CDK5RAP2: variants seen among roughly 807,000 people sequenced by gnomAD.
The protein encoded by CDK5RAP2 is CDK5 regulatory subunit-associated protein 2.
CDK5RAP2 carries 147 observed loss-of-function variants against 232.9 expected under a neutral mutation model. The observed-to-expected ratio is 0.63, with a 90% CI of 0.55 to 0.72. The LOEUF (loss-of-function observed/expected upper bound fraction) is 0.72, where lower values mean the gene tolerates loss of function less well. CDK5RAP2 is among the 30% of genes least tolerant of loss of function. The probability of loss-of-function intolerance (pLI) is 0.00; values close to 1 mark genes in which losing one functional copy is unlikely to be tolerated. For synonymous variants in CDK5RAP2, 833 were observed against 833.7 expected, an observed-to-expected ratio of 1.00 and a Z score of 0.01; for missense variants, 2,195 against 2,231.5, an observed-to-expected ratio of 0.98 and a Z score of 0.33.
chr9:120,412,502 A>G (rs561237412), intron 28 of CDK5RAP2, among the ~76,000 whole-genome samples: 1 of 152,358 alleles, frequency 6.6e-6, no homozygotes, highest in South Asian at 2.1e-4. Flanking sequence ...AGGACAGGAA[A>G]AAGCCCCACC....
At chr9:120,497,529 C>T (rs1455036583) in intron 12 of CDK5RAP2, among the ~76,000 whole-genome samples, 1 of 148,840 alleles carries the variant, frequency 6.7e-6, no homozygotes, top group African/African-American at 2.5e-5. Context: ...AAAAGATCTC[C>T]CCACAAAATT....
chr9:120,399,974 A>C (rs2032854791), intron 35 of CDK5RAP2, among the ~76,000 whole-genome samples: 1 of 152,212 alleles, frequency 6.6e-6, no homozygotes, highest in African/African-American at 2.4e-5. Context: ...AAATGAGATA[A>C]TGACAAAAAA....
intron 25 of CDK5RAP2, among the ~76,000 whole-genome samples, chr9:120,426,216 C>A (rs2034890350): frequency 6.6e-6 from 1 of 152,216 alleles, no homozygotes; most frequent in East Asian, 1.9e-4. Flanking sequence ...GTATATGAGA[C>A]AGATCTCAAC....
chr9:120,395,015 T>C (rs868489752), intron 35 of CDK5RAP2, among the ~76,000 whole-genome samples: 1 of 152,252 alleles, frequency 6.6e-6, no homozygotes. Flanking sequence ...GTCTCAGCAT[T>C]GTTCATGGTA....
intron 31 of CDK5RAP2, 40 bp downstream of exon 31, chr9:120,408,307 C>G: frequency 6.2e-7 from 1 of 1,612,612 alleles, no homozygotes; most frequent in Non-Finnish European, 8.5e-7. Context: ...GTCTTACAGC[C>G]CAAAGCACAG....
chr9:120,407,652 G>C (rs1404832304), intron 31 of CDK5RAP2: 2 of 179,136 alleles, frequency 1.1e-5, no homozygotes, highest in South Asian at 1.2e-4. Context: ...AAAGCTGTGA[G>C]ATGACCCCTT....
chr9:120,488,204 AC>A (rs762202528), intron 13 of CDK5RAP2, among the ~76,000 whole-genome samples: 21 of 152,226 alleles, frequency 1.4e-4, no homozygotes, highest in Non-Finnish European at 2.6e-4. Flanking sequence ...ATTCCTAAGC[AC>A]CTAGCAGAAT....
At position 120,404,016 on chromosome 9, in the gene CDK5RAP2, C is replaced by T. The variant is rs745336111; in HGVS notation, c.5041+20G>A. On this transcript the variant is annotated intron_variant, in intron 33 of 37. Transcript: ENST00000349780. ...GTCACATCCAATGCTCCCACAGTTA[C>T]CTGGACTTCAGCTTTGTACCTGATT... 8.3e-6 allele frequency: 13 copies of T among 1,562,640 alleles called. No individual in the cohort carries two copies. Among genetic ancestry groups the T allele is most frequent in the Non-Finnish European group, 1.1e-5 (13 of 1,133,110 alleles).
intron 12 of CDK5RAP2, among the ~76,000 whole-genome samples, chr9:120,516,439 T>C (rs1182675225): frequency 6.6e-6 from 1 of 151,752 alleles, no homozygotes; most frequent in Non-Finnish European, 1.5e-5. Context: ...ATGGGTACAG[T>C]ACACCAACAT....
intron 25 of CDK5RAP2, among the ~76,000 whole-genome samples, chr9:120,425,594 A>C (rs7849947): frequency 0.03 from 4,518 of 152,296 alleles, 84 homozygotes; most frequent in East Asian, 0.042. Context: ...GGTTGACCCA[A>C]CTTCACTTTC....
At chr9:120,406,813 C>T (rs2033473920) in intron 32 of CDK5RAP2, 199 bp downstream of exon 32, 1 of 591,418 alleles carries the variant, frequency 1.7e-6, no homozygotes, top group Non-Finnish European at 3.0e-6. Context: ...CAAGATGCCT[C>T]AGATGGAGAT....
rs527264451 is a variant in CDK5RAP2, at chr9:120,413,807, C to T, written c.4297+1233G>A. Reference sequence around the variant, plus strand: ...ATATGCAGGAAATGGGCGCAGTGAGCGAGGAGGGAGGAGGGAGGAGGGAGG... The same window carrying T: ...ATATGCAGGAAATGGGCGCAGTGAGTGAGGAGGGAGGAGGGAGGAGGGAGG... On this transcript the variant is annotated intron_variant, in intron 28 of 37. Transcript: ENST00000349780. Among the ~76,000 whole-genome samples the T allele has an allele frequency of 3.5e-4, 39 of 111,972 alleles. No individual in the cohort carries two copies. In the East Asian group the frequency reaches 6.9e-3, roughly 20 times the overall value. The allele number at this position is 111,972 out of a possible 152,430, so 73.5% of individuals were successfully genotyped here.
chr9:120,490,539 TG>T (rs1241214395), intron 13 of CDK5RAP2, among the ~76,000 whole-genome samples: 2 of 152,266 alleles, frequency 1.3e-5, no homozygotes, highest in African/African-American at 2.4e-5. Flanking sequence ...TATGCCTTTC[TG>T]GGGTTCTGCA....
At chr9:120,398,574 AT>A (rs1384412155) in intron 35 of CDK5RAP2, among the ~76,000 whole-genome samples, 1 of 152,050 alleles carries the variant, frequency 6.6e-6, no homozygotes. Context: ...TCTCATTTTG[AT>A]TTTTTATAAT....
In CDK5RAP2 at chr9:120,524,990, A is replaced by T. The variant is rs2040835722; in HGVS notation, c.1088T>A (p.Phe363Tyr). 1 of 1,613,054 alleles carries T rather than the reference A, an allele frequency of 6.2e-7. No individual in the cohort carries two copies. The highest frequency in any genetic ancestry group is 8.5e-7 in the Non-Finnish European group (1 of 1,179,162). Residue 363 changes from phenylalanine to tyrosine, a missense_variant, in exon 11 of 38, where the codon TTT (phenylalanine) becomes TAT (tyrosine). Transcript: ENST00000349780. Reference sequence around the variant, plus strand: ...TTAAGCCAAGTGTACACTTACCTGAAATTCCTGGGTCTGTGCTTTCTGTAG... The same window carrying T: ...TTAAGCCAAGTGTACACTTACCTGATATTCCTGGGTCTGTGCTTTCTGTAG... The part of the protein sequence containing the change: ...EALQKAQTQE[F>Y]QGSEDYETAL...
chr9:120,425,859 T>C (rs550557074), intron 25 of CDK5RAP2, among the ~76,000 whole-genome samples: 4 of 152,230 alleles, frequency 2.6e-5, no homozygotes, highest in Admixed American at 6.5e-5. Context: ...GGAGCCACCC[T>C]ATCCTCAGTG....
chr9:120,564,365 C>T (rs984146583), intron 3 of CDK5RAP2, among the ~76,000 whole-genome samples: 24 of 151,954 alleles, frequency 1.6e-4, no homozygotes, highest in Non-Finnish European at 1.5e-5. Context: ...TGGCATACGC[C>T]TGTAATCCCA....
intron 16 of CDK5RAP2, among the ~76,000 whole-genome samples, chr9:120,470,976 C>G (rs2037672318): frequency 6.6e-6 from 1 of 152,184 alleles, no homozygotes; most frequent in Non-Finnish European, 1.5e-5. Context: ...GCACGTCAAA[C>G]CCCAGCTGAG....
intron 3 of CDK5RAP2, among the ~76,000 whole-genome samples, chr9:120,555,293 G>A (rs1182789652): frequency 2.0e-5 from 3 of 151,938 alleles, no homozygotes; most frequent in Non-Finnish European, 2.9e-5. Context: ...TACCACGCTC[G>A]GCTAAGTTTT....
Sources: gnomAD v4.1 joint callset for allele counts (sites outside exome capture counted in the v4.1 genomes callset) on GRCh38, gnomAD v4.1.1 for gene constraint, MANE v1.5 for transcripts, NCBI Gene and HGNC (gene_info 2026-07-23, HGNC 2026-07-21) for gene names.